Variants in ADAMTS6 observed in about 807,000 individuals in gnomAD.
The protein encoded by ADAMTS6 is A disintegrin and metalloproteinase with thrombospondin motifs 6.
A neutral mutation model predicts 144.3 loss-of-function variants in ADAMTS6; 23 were observed. The observed-to-expected ratio is 0.16, with a 90% CI of 0.11 to 0.23. ADAMTS6 has a LOEUF of 0.23. Ranked by LOEUF, ADAMTS6 falls within the 10% of genes least tolerant of loss-of-function variation. ADAMTS6 has a pLI of 1.00. For missense variants in ADAMTS6, 999 were observed against 1,379.6 expected (o/e 0.72, Z 4.37); for synonymous variants, 444 against 457.5 (o/e 0.97, Z 0.38).
intron 1 of ADAMTS6, among the ~76,000 whole-genome samples, chr5:65,479,988 T>G (rs1265861938): frequency 1.3e-5 from 2 of 152,182 alleles, no homozygotes; most frequent in Non-Finnish European, 2.9e-5. Flanking sequence ...AAGCACAGAA[T>G]TAACATAAAC....
intron 7 of ADAMTS6, among the ~76,000 whole-genome samples, chr5:65,442,475 G>A (rs892242231): frequency 6.6e-6 from 1 of 151,828 alleles, no homozygotes; most frequent in Non-Finnish European, 1.5e-5. Context: ...CATCTGAGGA[G>A]GAAATAATAT....
intron 24 of ADAMTS6, among the ~76,000 whole-genome samples, chr5:65,154,993 A>G (rs781607669): frequency 6.6e-6 from 1 of 152,200 alleles, no homozygotes; most frequent in African/African-American, 2.4e-5. Context: ...AAACATTAAT[A>G]TGGAGATTCC....
intron 7 of ADAMTS6, among the ~76,000 whole-genome samples, chr5:65,441,078 A>T (rs1030197596): frequency 2.6e-5 from 4 of 152,204 alleles, no homozygotes; most frequent in African/African-American, 9.7e-5. Context: ...ACATATAATA[A>T]AGTTAGTAGA....
chr5:65,395,263 T>C (rs1753243969), intron 7 of ADAMTS6, among the ~76,000 whole-genome samples: 1 of 152,194 alleles, frequency 6.6e-6, no homozygotes, highest in African/African-American at 2.4e-5. Flanking sequence ...AAATCTTGCA[T>C]TTTTATTATA....
chr5:65,232,012 G>A (rs551511740), intron 15 of ADAMTS6, among the ~76,000 whole-genome samples: 2 of 152,250 alleles, frequency 1.3e-5, no homozygotes, highest in East Asian at 3.9e-4. Context: ...TCGGGAGGCT[G>A]AGGCAGGAGA....
Position 65,150,699 on chromosome 5 carries a change from CA to C in ADAMTS6, c.*1136del, listed in dbSNP as rs1453598277. 6.6e-6 allele frequency: 1 copy of C among 152,622 alleles called. No individual in the cohort carries two copies. The highest frequency in any genetic ancestry group is 1.5e-5 in the Non-Finnish European group (1 of 68,022). 9.5% of individuals were successfully genotyped at this position (152,622 alleles called of 1,614,324 possible). A position where few individuals can be genotyped will look rare whatever the true frequency, so the allele number is the denominator to read the frequency against. Reference sequence around the variant, plus strand: ...CTATCCACACACTTAAAAGCGCCCGCAAACACACACACACATTTGCTCTCAT... The same window carrying C: ...CTATCCACACACTTAAAAGCGCCCGCAACACACACACACATTTGCTCTCAT... On this transcript the variant is annotated 3_prime_UTR_variant, in exon 25 of 25. Transcript: ENST00000381055.
chr5:65,369,487 T>A (rs1162130247), intron 7 of ADAMTS6, among the ~76,000 whole-genome samples: 1 of 151,786 alleles, frequency 6.6e-6, no homozygotes, highest in South Asian at 2.1e-4. Flanking sequence ...GGCATTCACA[T>A]CTTTCTTATG....
chr5:65,298,347 A>G (rs1743054317), intron 10 of ADAMTS6, among the ~76,000 whole-genome samples: 1 of 152,174 alleles, frequency 6.6e-6, no homozygotes, highest in Admixed American at 6.5e-5. Flanking sequence ...AAGAGCAACC[A>G]TCAGAAATGC....
At chr5:65,243,502 T>A (rs1316447201) in intron 14 of ADAMTS6, among the ~76,000 whole-genome samples, 1 of 152,148 alleles carries the variant, frequency 6.6e-6, no homozygotes, top group Non-Finnish European at 1.5e-5. Flanking sequence ...CATTTTAAAA[T>A]GTTTTTAGCA....
At chr5:65,469,682 T>A (rs1760284890) in intron 3 of ADAMTS6, among the ~76,000 whole-genome samples, 1 of 152,230 alleles carries the variant, frequency 6.6e-6, no homozygotes, top group Admixed American at 6.5e-5. Flanking sequence ...AGTAGACAAT[T>A]GGAGCACATT....
chr5:65,408,549 G>A (rs1754774672), intron 7 of ADAMTS6, among the ~76,000 whole-genome samples: 1 of 152,070 alleles, frequency 6.6e-6, no homozygotes. Context: ...CAATAATAAT[G>A]GGAGACTTTA....
intron 8 of ADAMTS6, among the ~76,000 whole-genome samples, chr5:65,332,226 A>G (rs927974649): frequency 8.0e-5 from 12 of 150,452 alleles, no homozygotes; most frequent in African/African-American, 2.9e-4. Flanking sequence ...TACAATGAAG[A>G]GCATATGTAA....
intron 7 of ADAMTS6, among the ~76,000 whole-genome samples, chr5:65,377,683 A>G (rs1026924154): frequency 3.9e-5 from 6 of 152,230 alleles, no homozygotes; most frequent in Admixed American, 3.3e-4. Flanking sequence ...CCAGGGAGAA[A>G]GTTTCAGTGG....
intron 12 of ADAMTS6, among the ~76,000 whole-genome samples, chr5:65,263,842 T>C (rs996566668): frequency 1.4e-4 from 22 of 152,336 alleles, no homozygotes; most frequent in Non-Finnish European, 5.9e-5. Flanking sequence ...ATGAAAGTCA[T>C]TTGTTTATAT....
intron 17 of ADAMTS6, 104 bp downstream of exon 17, chr5:65,224,820 C>A: frequency 7.5e-7 from 1 of 1,339,128 alleles, no homozygotes; most frequent in Non-Finnish European, 1.0e-6. Context: ...AAAACATTGT[C>A]TGCCTAAATA....
At chr5:65,341,094 T>C (rs1182244569) in intron 7 of ADAMTS6, among the ~76,000 whole-genome samples, 1 of 151,948 alleles carries the variant, frequency 6.6e-6, no homozygotes, top group Non-Finnish European at 1.5e-5. Flanking sequence ...TTAAACAACA[T>C]GCTCCTGAAT....
chr5:65,386,011 T>A (rs189138838), intron 7 of ADAMTS6, among the ~76,000 whole-genome samples: 180 of 152,298 alleles, frequency 1.2e-3, no homozygotes, highest in African/African-American at 4.0e-3. Flanking sequence ...GCAACTAAAT[T>A]TTATCAGAAT....
chr5:65,319,658 C>CAA (rs1398937079), intron 9 of ADAMTS6, among the ~76,000 whole-genome samples: 1 of 98,814 alleles, frequency 1.0e-5, no homozygotes, highest in Non-Finnish European at 2.1e-5. Context: ...GTCTCAAAAA[C>CAA]AAAAAAAAAA....
rs567460371 is a variant in ADAMTS6, at chr5:65,224,756, A to G, written c.2191+168T>C. 2.6e-5 allele frequency among the ~76,000 whole-genome samples: 4 copies of G among 152,322 alleles called. No homozygotes were observed. In the South Asian group the frequency reaches 8.3e-4, roughly 32 times the overall value. On this transcript the variant is annotated intron_variant, in intron 17 of 24. Transcript: ENST00000381055. ...GAGAGAGAGAATATTTCCTTAAAATATTTTACTTGAAGCCACATTTAACAC... is the reference window on the plus strand; with the variant it reads ...GAGAGAGAGAATATTTCCTTAAAATGTTTTACTTGAAGCCACATTTAACAC...
Sources: allele counts gnomAD v4.1 joint callset (sites outside exome capture counted in the v4.1 genomes callset), GRCh38; gene constraint gnomAD v4.1.1; transcripts MANE v1.5; gene names NCBI Gene and HGNC (gene_info 2026-07-23, HGNC 2026-07-21).